Variants in RNF214 observed in about 807,000 individuals in gnomAD.
RNF214 encodes the protein ring finger protein 214.
A neutral mutation model predicts 75.9 loss-of-function variants in RNF214; 25 were observed. The observed-to-expected ratio is 0.33, with a 90% confidence interval of 0.24 to 0.46. The LOEUF (loss-of-function observed/expected upper bound fraction) is 0.46, where lower values mean the gene tolerates loss of function less well. RNF214 is among the 20% of genes least tolerant of loss of function. RNF214 has a pLI of 1.00. For missense variants in RNF214, 725 were observed against 857.5 expected (o/e 0.85, Z 1.93); for synonymous variants, 314 against 308.8 (o/e 1.02, Z -0.18).
At chr11:117,279,812 C>A in intron 6 of RNF214, 96 bp from the exon 7 acceptor site, 1 of 755,270 alleles carries the variant, frequency 1.3e-6, no homozygotes, top group African/African-American at 1.7e-5. Flanking sequence ...CTGTAACATA[C>A]TTGGCTGACC....
At position 117,232,681 on chromosome 11, in the gene RNF214, T is replaced by G. The variant is rs958945105; in HGVS notation, c.-52T>G. 2 of 149,210 alleles carry G rather than the reference T, an allele frequency of 1.3e-5. No homozygotes were observed. The highest frequency in any genetic ancestry group is 4.9e-5 in the African/African-American group (2 of 40,482). The allele number at this position is 149,210 out of a possible 1,614,324, so 9.2% of individuals were successfully genotyped here. A position where few individuals can be genotyped will look rare whatever the true frequency, so the allele number is the denominator to read the frequency against. ...CGCGCGCGGGCCGGCGCTCGACCCCTCCCCCCGTGGCTCGGCCGCCCCCTC... is the reference window on the plus strand; with the variant it reads ...CGCGCGCGGGCCGGCGCTCGACCCCGCCCCCCGTGGCTCGGCCGCCCCCTC... On this transcript the variant is annotated 5_prime_UTR_variant, in exon 1 of 15. Coordinates refer to ENST00000300650, the MANE Select transcript of RNF214 (RefSeq NM_207343.4).
chr11:117,270,241 C>CTTTTTTTTTTTTTTTTTTTT (rs57144374), intron 6 of RNF214, among the ~76,000 whole-genome samples: 1 of 75,852 alleles, frequency 1.3e-5, no homozygotes, highest in African/African-American at 5.6e-5. Flanking sequence ...CTTTTCTTTT[C>CTTTTTTTTTTTTTTTTTTTT]TTTTTTTTTT....
chr11:117,285,133 T>C lies in RNF214; in HGVS notation c.2094T>C (p.Phe698=), dbSNP rs1217604587. ...AQTNTNDTCP[F]CPTLK ...CCAACACAAATGACACTTGTCCCTT[T>C]TGTCCAACTCTTAAATGACGGACCT... The change falls in exon 15 of 15, where the codon TTT becomes TTC. Residue 698 remains phenylalanine (F), a synonymous_variant. Coordinates refer to ENST00000300650, the MANE Select transcript of RNF214 (RefSeq NM_207343.4). 4 of 1,612,520 alleles carry C rather than the reference T, an allele frequency of 2.5e-6. No homozygotes were observed. The Admixed American group carries it at 6.7e-5, about 27-fold the overall frequency.
intron 6 of RNF214, among the ~76,000 whole-genome samples, chr11:117,266,638 G>A (rs1056361646): frequency 6.6e-6 from 1 of 152,048 alleles, no homozygotes. Context: ...GGGATTACAG[G>A]TGTGAGTCAC....
In RNF214 at chr11:117,246,877, G is replaced by A. The variant is rs1565332610; in HGVS notation, c.888G>A (p.Glu296=). 6.2e-7 allele frequency: 1 copy of A among 1,613,442 alleles called. No homozygotes were observed. The highest frequency in any genetic ancestry group is 8.5e-7 in the Non-Finnish European group (1 of 1,179,704). ...AAACAAAGAAGAAGATAGAGAAAGA[G>A]AAGAAGGAGTTTTTGCAGAAGGAGC... ...REETKKKIEK[E]KKEFLQKEQD... Residue 296 remains glutamate (E), a synonymous_variant, in exon 6 of 15, where the codon GAG becomes GAA. Coordinates refer to ENST00000300650, the MANE Select transcript of RNF214 (RefSeq NM_207343.4).
At chr11:117,264,262 G>T (rs553771537) in intron 6 of RNF214, among the ~76,000 whole-genome samples, 1 of 152,254 alleles carries the variant, frequency 6.6e-6, no homozygotes, top group Admixed American at 6.5e-5. Flanking sequence ...GGCGGAGCTT[G>T]CAGTGAGCCG....
At chr11:117,260,140 C>T (rs888071688) in intron 6 of RNF214, among the ~76,000 whole-genome samples, 2 of 151,268 alleles carry the variant, frequency 1.3e-5, no homozygotes, top group South Asian at 2.1e-4. Context: ...TTTTTATAGA[C>T]GAGGTCTCAC....
intron 6 of RNF214, among the ~76,000 whole-genome samples, chr11:117,270,321 G>A (rs931480305): frequency 2.2e-5 from 3 of 136,464 alleles, no homozygotes; most frequent in African/African-American, 5.6e-5. Flanking sequence ...ATAGTAGCAC[G>A]ATCACGGCTG....
At chr11:117,260,953 C>A (rs971483229) in intron 6 of RNF214, among the ~76,000 whole-genome samples, 1 of 150,944 alleles carries the variant, frequency 6.6e-6, no homozygotes, top group Non-Finnish European at 1.5e-5. Flanking sequence ...CTCGCCCGGC[C>A]AAGATTTTCT....
chr11:117,234,591 A>G (rs2032848744), intron 2 of RNF214, among the ~76,000 whole-genome samples: 2 of 152,248 alleles, frequency 1.3e-5, no homozygotes, highest in Non-Finnish European at 2.9e-5. Flanking sequence ...AATAGAATAG[A>G]ATACATGGGG....
At chr11:117,240,502 A>G (rs2033046806) in intron 4 of RNF214, among the ~76,000 whole-genome samples, 1 of 151,976 alleles carries the variant, frequency 6.6e-6, no homozygotes, top group Non-Finnish European at 1.5e-5. Flanking sequence ...AAGCTGGCCA[A>G]CGTGGTGAAA....
chr11:117,275,803 C>T (rs1229120271), intron 6 of RNF214, among the ~76,000 whole-genome samples: 2 of 152,116 alleles, frequency 1.3e-5, no homozygotes, highest in African/African-American at 4.8e-5. Flanking sequence ...CCAAATTCTA[C>T]CAGACATTCA....
chr11:117,250,458 T>G (rs910392806), intron 6 of RNF214, among the ~76,000 whole-genome samples: 1 of 152,214 alleles, frequency 6.6e-6, no homozygotes, highest in African/African-American at 2.4e-5. Context: ...TGTTTCATTA[T>G]GTAGAAGGAT....
chr11:117,240,212 G>T (rs564972687), intron 4 of RNF214, among the ~76,000 whole-genome samples: 81 of 151,700 alleles, frequency 5.3e-4, no homozygotes, highest in African/African-American at 1.9e-3. Flanking sequence ...AATTAGCCAG[G>T]TGTGGTGGTG....
chr11:117,232,869 C>T (rs1252962803), intron 1 of RNF214, 143 bp downstream of exon 1: 1 of 120,274 alleles, frequency 8.3e-6, no homozygotes, highest in South Asian at 3.0e-4. Context: ...AGAACCGAGG[C>T]GGGGGTCCCG....
rs2032982512 is a variant in RNF214, at chr11:117,238,690, A to T, written c.197A>T (p.His66Leu). The T allele has an allele frequency of 6.2e-7, 1 of 1,614,096 alleles. No individual in the cohort carries two copies. The highest frequency in any genetic ancestry group is 1.3e-5 in the African/African-American group (1 of 74,942). ...ACCAAGGAGAATAACAGAAATGTCC[A>T]TTTGGAGCACTCAGAGCAGAATCCT... ...TITKENNRNV[H>L]LEHSEQNPGS... Residue 66 changes from histidine (H) to leucine (L), a missense_variant, in exon 3 of 15, where the codon CAT becomes CTT. Around this residue, in one of 2 missense-constraint regions of RNF214, gnomAD observed 362 missense variants for 344.5 expected, o/e 1.05. Coordinates refer to ENST00000300650, the MANE Select transcript of RNF214 (RefSeq NM_207343.4).
intron 6 of RNF214, among the ~76,000 whole-genome samples, chr11:117,263,137 T>C (rs749164507): frequency 1.3e-4 from 20 of 151,606 alleles, no homozygotes; most frequent in Non-Finnish European, 2.5e-4. Context: ...ATTCAGTCAG[T>C]TTTTGTTTCT....
At position 117,239,867 on chromosome 11, in the gene RNF214, A is replaced by G. The variant is rs1374349117; in HGVS notation, c.678+7A>G. 2 of 1,440,814 alleles carry G rather than the reference A, an allele frequency of 1.4e-6. No homozygotes were observed. Among genetic ancestry groups the G allele is most frequent in the Non-Finnish European group, 2.0e-6 (2 of 1,022,616 alleles). 89.3% of individuals were successfully genotyped at this position (1,440,814 alleles called of 1,614,324 possible). On this transcript the variant is annotated splice_region_variant and intron_variant, in intron 4 of 14. Transcript: ENST00000300650. ...AGATATTGAAAAGAATTTGGTAAGT[A>G]TTTAAACTGTCCTTGTTATATGAAG...
intron 6 of RNF214, among the ~76,000 whole-genome samples, chr11:117,269,994 G>GTCTCT (rs920084055): frequency 2.6e-5 from 4 of 152,232 alleles, no homozygotes; most frequent in African/African-American, 9.6e-5. Flanking sequence ...ATGACTTCCA[G>GTCTCT]TCTCTTCTCT....
Sources: gnomAD v4.1 joint callset for allele counts (sites outside exome capture counted in the v4.1 genomes callset) on GRCh38, gnomAD v4.1.1 for gene constraint, gnomAD v4.1.1 regional missense constraint, MANE v1.5 for transcripts, NCBI Gene and HGNC (gene_info 2026-07-23, HGNC 2026-07-21) for gene names.